The following CDHR2 variants were observed in gnomAD, a reference collection of about 807,000 sequenced individuals.
CDHR2 encodes cadherin-related family member 2.
In CDHR2, 104 loss-of-function variants were observed where a neutral mutation model predicts 138.6. The observed-to-expected ratio is 0.75, with a 90% CI of 0.64 to 0.88. CDHR2 has a LOEUF of 0.88. CDHR2 is among the 40% of genes least tolerant of loss of function. The probability of loss-of-function intolerance (pLI) is 0.00; values close to 1 mark genes in which losing one functional copy is unlikely to be tolerated. For synonymous variants in CDHR2, 755 were observed against 742.8 expected (o/e 1.02, Z -0.27); for missense variants, 1,624 against 1,727.6 (o/e 0.94, Z 1.06).
chr5:176,587,472 A>C (rs943211287), intron 21 of CDHR2, among the ~76,000 whole-genome samples: 1 of 152,024 alleles, frequency 6.6e-6, no homozygotes, highest in South Asian at 2.1e-4. Context: ...TAAATAAATA[A>C]ATTATTGGAG....
chr5:176,558,382 A>ATT (rs568355994), intron 1 of CDHR2, among the ~76,000 whole-genome samples: 6 of 120,706 alleles, frequency 5.0e-5, no homozygotes, highest in African/African-American at 9.4e-5. Flanking sequence ...TGCCCAGCTA[A>ATT]TTTTTTTTTT....
chr5:176,568,559 G>A, intron 3 of CDHR2, 119 bp from the exon 4 acceptor site: 1 of 1,108,494 alleles, frequency 9.0e-7, no homozygotes, highest in South Asian at 1.6e-5. Context: ...GGTCCCAGAT[G>A]GCAAGTCAAG....
rs367755212 is a variant in CDHR2 at position 176,565,364 on chromosome 5, A to G, written c.12A>G (p.Leu4=). The change falls in exon 2 of 32, where the codon CTA becomes CTG. Residue 4 remains leucine (L), a synonymous_variant. Transcript: ENST00000261944. ...TCCCTGCGGATGTGATGGCCCAGCTATGGCTGTCCTGCTTCCTCCTTCCTG... is the reference window on the plus strand; with the variant it reads ...TCCCTGCGGATGTGATGGCCCAGCTGTGGCTGTCCTGCTTCCTCCTTCCTG... The part of the protein sequence containing the change: MAQ[L]WLSCFLLPAL... The G allele has an allele frequency of 1.2e-6, 2 of 1,614,004 alleles. No homozygotes were observed. The highest frequency in any genetic ancestry group is 1.7e-6 in the Non-Finnish European group (2 of 1,179,950).
At chr5:176,583,780 C>G (rs903830835) in intron 17 of CDHR2, among the ~76,000 whole-genome samples, 6 of 152,132 alleles carry the variant, frequency 3.9e-5, no homozygotes, top group Non-Finnish European at 8.8e-5. Flanking sequence ...AAGTGTGGGC[C>G]TTGGAGCCTT....
At chr5:176,568,895 C>T (rs958735576) in intron 4 of CDHR2, 65 bp from the exon 5 acceptor site, 8 of 1,609,998 alleles carry the variant, frequency 5.0e-6, no homozygotes, top group African/African-American at 4.0e-5. Flanking sequence ...GTCCTGGTGG[C>T]GGCACCCCCT....
intron 3 of CDHR2, among the ~76,000 whole-genome samples, chr5:176,567,355 A>C (rs1758108446): frequency 6.6e-6 from 1 of 152,028 alleles, no homozygotes. Flanking sequence ...TTTAAAGTAG[A>C]GACAGGGTTT....
At chr5:176,577,029 C>G (rs1456534112) in intron 12 of CDHR2, among the ~76,000 whole-genome samples, 1 of 146,206 alleles carries the variant, frequency 6.8e-6, no homozygotes, top group African/African-American at 2.5e-5. Context: ...TTAGGTTGGC[C>G]AGAAGGGTGG....
Position 176,581,488 on chromosome 5 carries a change from C to T in CDHR2, c.1964C>T (p.Pro655Leu). Residue 655 changes from proline (P) to leucine (L), a missense_variant, in exon 17 of 32, where the codon CCC (proline) becomes CTC (leucine). By Grantham distance (98) the Pro-to-Leu change is moderately conservative. Around this residue, in one of 3 missense-constraint regions of CDHR2, gnomAD observed 1,061 missense variants for 1,136.6 expected, o/e 0.93. Coordinates refer to ENST00000261944, the MANE Select transcript of CDHR2 (RefSeq NM_017675.6). ...CCCCTGGACAGAGAGGCCATCGACC[C>T]CGCCCTGGAGGGCCGCATTGTGCTG... The part of the protein sequence containing the change: ...LGPLDREAID[P>L]ALEGRIVLTV... 1 of 1,614,178 alleles carries T rather than the reference C, an allele frequency of 6.2e-7. No homozygotes were observed. Among genetic ancestry groups the T allele is most frequent in the Non-Finnish European group, 8.5e-7 (1 of 1,180,046 alleles).
upstream of CDHR2, among the ~76,000 whole-genome samples, chr5:176,545,338 A>T (rs1017382429): frequency 3.9e-5 from 6 of 151,956 alleles, no homozygotes; most frequent in African/African-American, 1.5e-4. Context: ...TCTACGTTTC[A>T]CCATGTTGGC....
chr5:176,581,240 T>C, intron 16 of CDHR2, 103 bp from the exon 17 acceptor site: 1 of 1,469,350 alleles, frequency 6.8e-7, no homozygotes, highest in East Asian at 2.3e-5. Flanking sequence ...GCCTGATGAC[T>C]GCCTGCGTGG....
upstream of CDHR2, among the ~76,000 whole-genome samples, chr5:176,549,227 C>T (rs1227926486): frequency 6.6e-6 from 1 of 152,226 alleles, no homozygotes; most frequent in African/African-American, 2.4e-5. Context: ...CCCAGCTGTA[C>T]TCTGCCTCAT....
chr5:176,562,013 C>T (rs573071812), intron 1 of CDHR2, among the ~76,000 whole-genome samples: 7 of 152,062 alleles, frequency 4.6e-5, no homozygotes, highest in African/African-American at 7.2e-5. Flanking sequence ...AAAAGAGGGA[C>T]GGGCAGTAGT....
intron 16 of CDHR2, among the ~76,000 whole-genome samples, chr5:176,579,985 G>GC (rs1246634034): frequency 6.6e-6 from 1 of 152,172 alleles, no homozygotes; most frequent in Non-Finnish European, 1.5e-5. Context: ...GGTGTGGGAG[G>GC]CATCGGGGTG....
rs567994568 is a variant in CDHR2, at chr5:176,585,020, G to A, written c.2734+5G>A. The A allele has an allele frequency of 5.2e-6, 8 of 1,540,488 alleles. No individual in the cohort carries two copies. The South Asian group carries it at 6.0e-5, about 11-fold the overall frequency. On this transcript the variant is annotated splice_donor_5th_base_variant and intron_variant, in intron 19 of 31. Coordinates refer to ENST00000261944, the MANE Select transcript of CDHR2 (RefSeq NM_017675.6). ...TCCAGGCCTACAGCAACAATGGTAA[G>A]GCAGCCTGTCCTTGCAGGGCTTGGC... is the stretch of plus-strand genomic sequence containing the variant.
intron 6 of CDHR2, among the ~76,000 whole-genome samples, chr5:176,572,842 G>A (rs1321880504): frequency 6.6e-6 from 1 of 152,244 alleles, no homozygotes; most frequent in Admixed American, 6.5e-5. Context: ...GTTACCTGGG[G>A]AGCAAGACAG....
chr5:176,574,217 G>C, intron 7 of CDHR2, 45 bp downstream of exon 7: 1 of 1,407,350 alleles, frequency 7.1e-7, no homozygotes, highest in Non-Finnish European at 1.0e-6. Flanking sequence ...CCGCCAGGGG[G>C]CAGCATCTCC....
chr5:176,584,113 G>C (rs537521903), intron 17 of CDHR2, 77 bp from the exon 18 acceptor site: 12 of 1,215,944 alleles, frequency 9.9e-6, no homozygotes, highest in Admixed American at 3.6e-5. Context: ...TGGAGCACAG[G>C]GATTATTGGT....
chr5:176,595,517 T>C lies in CDHR2; in HGVS notation c.3793-15T>C, dbSNP rs763787314. The C allele has an allele frequency of 1.9e-5, 30 of 1,578,422 alleles. No individual in the cohort carries two copies. In the African/African-American group the frequency reaches 3.1e-4, roughly 16 times the overall value. On this transcript the variant is annotated splice_polypyrimidine_tract_variant and intron_variant, in intron 31 of 31. Coordinates refer to ENST00000261944, the MANE Select transcript of CDHR2 (RefSeq NM_017675.6). ...CTTGCCTTGCCCTTCACACCTCCTCTCCCTCTCCCTGCAGGAGCACAGGCC... is the reference window on the plus strand; with the variant it reads ...CTTGCCTTGCCCTTCACACCTCCTCCCCCTCTCCCTGCAGGAGCACAGGCC...
rs768251078 is a variant in CDHR2, at chr5:176,581,461, G to A, written c.1937G>A (p.Gly646Glu). The A allele has an allele frequency of 3.1e-6, 5 of 1,614,120 alleles. No individual in the cohort carries two copies. Residue 646 changes from glycine to glutamate, a missense_variant, in exon 17 of 32, where the codon GGG becomes GAG. Gly to Glu is a moderately conservative substitution (Grantham distance 98). Coordinates refer to ENST00000261944, the MANE Select transcript of CDHR2 (RefSeq NM_017675.6). Reference sequence around the variant, plus strand: ...GACACAGGGCTCCTCAGAAACCTGGGGCCCCTGGACAGAGAGGCCATCGAC... The same window carrying A: ...GACACAGGGCTCCTCAGAAACCTGGAGCCCCTGGACAGAGAGGCCATCGAC... ...DPDTGLLRNL[G>E]PLDREAIDPA... is the part of the protein sequence containing the mutation.
Sources: gnomAD v4.1 joint callset for allele counts (sites outside exome capture counted in the v4.1 genomes callset) on GRCh38, gnomAD v4.1.1 for gene constraint, gnomAD v4.1.1 regional missense constraint, MANE v1.5 for transcripts, NCBI Gene and HGNC (gene_info 2026-07-23, HGNC 2026-07-21) for gene names.